RBMX: variants seen among roughly 807,000 people sequenced by gnomAD.
The protein encoded by RBMX is RNA binding motif protein X-linked.
In RBMX, 1 loss-of-function variant was observed where a neutral mutation model predicts 29.3. The observed-to-expected ratio is 0.03, with a 90% confidence interval of 0.01 to 0.16. The LOEUF (loss-of-function observed/expected upper bound fraction) is 0.16, where lower values mean the gene tolerates loss of function less well. Ranked by LOEUF, RBMX falls within the 10% of genes least tolerant of loss-of-function variation. The pLI is 1.00. For missense variants in RBMX, 121 were observed against 333.2 expected (o/e 0.36, Z 4.96); for synonymous variants, 102 against 102.3 (o/e 1.00, Z 0.02).
downstream of RBMX, among the ~76,000 whole-genome samples, chrX:136,871,301 C>T (rs1482016865): frequency 1.9e-5 from 2 of 106,388 alleles, no homozygotes; most frequent in Non-Finnish European, 3.9e-5. Context: ...ATCAGCCGGG[C>T]GTGGCAGTGT....
chrX:136,879,907 A>G (rs1424248052), intron 1 of RBMX, among the ~76,000 whole-genome samples: 1 of 111,405 alleles, frequency 9.0e-6, no homozygotes, highest in African/African-American at 3.3e-5. Flanking sequence ...TCCCTACTAA[A>G]TCCAAGGAGA....
rs752755551 is a variant in RBMX, at chrX:136,876,402, G to A, written c.541+101C>T. The A allele has an allele frequency of 8.8e-4, 838 of 956,728 alleles. 3 individuals are homozygous for A. The highest frequency in any genetic ancestry group is 1.1e-3 in the Non-Finnish European group (767 of 717,343). The allele number at this position is 956,728 out of a possible 1,213,427, so 78.8% of individuals were successfully genotyped here. A position where few individuals can be genotyped will look rare whatever the true frequency, so the allele number is the denominator to read the frequency against. ...CTCCCAAAGTGCTAGGATTACGGGC[G>A]TGAGCCACCACGCCTGGCCAATTAA... On this transcript the variant is annotated intron_variant, in intron 5 of 8. Coordinates refer to ENST00000320676, the MANE Select transcript of RBMX (RefSeq NM_002139.4).
At chrX:136,876,715 AG>A in intron 4 of RBMX, 60 bp from the exon 5 acceptor site, 1 of 942,572 alleles carries the variant, frequency 1.1e-6, no homozygotes, top group Non-Finnish European at 1.4e-6. Flanking sequence ...AAGATATAAA[AG>A]TTTTTTTTTT....
At chrX:136,876,129 T>TG (rs1420877767) in intron 5 of RBMX, among the ~76,000 whole-genome samples, 7 of 100,676 alleles carry the variant, frequency 7.0e-5, no homozygotes, top group African/African-American at 1.1e-4. Flanking sequence ...TTTTTTGTTT[T>TG]TTTTTTTTTT....
downstream of RBMX, chrX:136,872,416 G>T: frequency 1.1e-6 from 1 of 929,679 alleles, no homozygotes; most frequent in Non-Finnish European, 1.5e-6. Flanking sequence ...GCCTATTACT[G>T]CCCTCTTTTC....
chrX:136,878,286 T>C (rs1481455737), intron 3 of RBMX, among the ~76,000 whole-genome samples, 200 bp from the exon 4 acceptor site: 2 of 110,981 alleles, frequency 1.8e-5, no homozygotes, highest in Non-Finnish European at 3.8e-5. Context: ...TTAAAACCGA[T>C]ACTGATGATC....
chrX:136,874,666 G>A (rs2077710093), intron 8 of RBMX: 1 of 470,104 alleles, frequency 2.1e-6, no homozygotes, highest in Non-Finnish European at 3.4e-6. Flanking sequence ...AAAGACTGAA[G>A]ACGGTGTGTA....
chrX:136,876,706 A>T, intron 4 of RBMX, 51 bp from the exon 5 acceptor site: 1 of 1,033,564 alleles, frequency 9.7e-7, no homozygotes, highest in Non-Finnish European at 1.3e-6. Context: ...GAATCAAGAA[A>T]GATATAAAAG....
At chrX:136,872,611 G>A (rs2077691838), downstream of RBMX, 1 of 330,649 alleles carries the variant, frequency 3.0e-6, no homozygotes, top group Non-Finnish European at 5.3e-6. Flanking sequence ...TAAGTTGAAC[G>A]AACAAAACTT....
chrX:136,871,815 T>C (rs868176018), downstream of RBMX, among the ~76,000 whole-genome samples: 16 of 96,527 alleles, frequency 1.7e-4, no homozygotes, highest in African/African-American at 6.0e-4. Flanking sequence ...CCCGGTGTTT[T>C]TTTTTTTTTT....
At chrX:136,870,300 A>C (rs2077676915), downstream of RBMX, 1 of 112,918 alleles carries the variant, frequency 8.9e-6, no homozygotes, top group Non-Finnish European at 1.9e-5. Context: ...TGCCTTCCTC[A>C]GATCCACAGG....
chrX:136,879,192 A>C, intron 2 of RBMX, 69 bp from the exon 3 acceptor site: 1 of 1,207,088 alleles, frequency 8.3e-7, no homozygotes, highest in Non-Finnish European at 1.1e-6. Flanking sequence ...GTAAATGTGT[A>C]AACAGAAAGC....
chrX:136,879,563 T>C, intron 1 of RBMX, 110 bp from the exon 2 acceptor site: 1 of 676,914 alleles, frequency 1.5e-6, no homozygotes. Flanking sequence ...TGTTCCTTAA[T>C]AACTAAAGAA....
At chrX:136,874,487 T>C (rs1487314523) in intron 8 of RBMX, 35 bp from the exon 9 acceptor site, 1 of 1,172,829 alleles carries the variant, frequency 8.5e-7, no homozygotes, top group Admixed American at 2.2e-5. Flanking sequence ...ATGGCAACAC[T>C]ATAAATTGTA....
Position 136,879,552 on chromosome X carries a change from T to C in RBMX, c.-26-99A>G, listed in dbSNP as rs745651737. The C allele has an allele frequency of 3.9e-5, 28 of 727,011 alleles. 2 individuals are homozygous for C. The South Asian group carries it at 6.3e-4, about 16-fold the overall frequency. 59.9% of individuals were successfully genotyped at this position (727,011 alleles called of 1,213,427 possible). A position where few individuals can be genotyped will look rare whatever the true frequency, so the allele number is the denominator to read the frequency against. On this transcript the variant is annotated intron_variant, in intron 1 of 8. Coordinates refer to ENST00000320676, the MANE Select transcript of RBMX (RefSeq NM_002139.4). ...TTTCTCATATTTTCCACTAAAACCA[T>C]TGTTCCTTAATAACTAAAGAAAACG...
Position 136,873,537 on chromosome X carries a change from G to T in RBMX, c.*605C>A. On this transcript the variant is annotated 3_prime_UTR_variant, in exon 9 of 9. Coordinates refer to ENST00000320676, the MANE Select transcript of RBMX (RefSeq NM_002139.4). ...CTTAAATGGTCTTATTGGGGGAAGGGAAAGGGGAGGTTCTTGCAGATTCCC... is the reference window on the plus strand; with the variant it reads ...CTTAAATGGTCTTATTGGGGGAAGGTAAAGGGGAGGTTCTTGCAGATTCCC... 6 of 751,095 alleles carry T rather than the reference G, an allele frequency of 8.0e-6. No homozygotes were observed. The highest frequency in any genetic ancestry group is 9.4e-6 in the Non-Finnish European group (6 of 635,922). The allele number at this position is 751,095 out of a possible 1,213,427, so 61.9% of individuals were successfully genotyped here. A position where few individuals can be genotyped will look rare whatever the true frequency, so the allele number is the denominator to read the frequency against.
chrX:136,869,801 T>C (rs1285720519), downstream of RBMX: 1 of 112,252 alleles, frequency 8.9e-6, no homozygotes, highest in Non-Finnish European at 1.9e-5. Flanking sequence ...AACATTATAC[T>C]ATTGGCTCTA....
At chrX:136,880,196 C>G (rs779937234) in intron 1 of RBMX, among the ~76,000 whole-genome samples, 2 of 111,811 alleles carry the variant, frequency 1.8e-5, no homozygotes, top group African/African-American at 6.5e-5. Flanking sequence ...CTTTTACCAC[C>G]AACATTGGCT....
At chrX:136,875,746 A>T (rs1365159579) in intron 5 of RBMX, among the ~76,000 whole-genome samples, 161 bp from the exon 6 acceptor site, 2 of 111,688 alleles carry the variant, frequency 1.8e-5, no homozygotes, top group African/African-American at 6.5e-5. Context: ...TCATATTTTA[A>T]ATTTTTTTCA....
Sources: allele counts gnomAD v4.1 joint callset (sites outside exome capture counted in the v4.1 genomes callset), GRCh38; gene constraint gnomAD v4.1.1; transcripts MANE v1.5; gene names NCBI Gene and HGNC (gene_info 2026-07-23, HGNC 2026-07-21).